TMEM62: variants seen among roughly 807,000 people sequenced by gnomAD.
The protein encoded by TMEM62 is transmembrane protein 62.
A neutral mutation model predicts 70.4 loss-of-function variants in TMEM62; 41 were observed. The ratio of observed to expected loss-of-function variants is 0.58; its 90% CI spans 0.45 to 0.76. The LOEUF (loss-of-function observed/expected upper bound fraction) is 0.76. Ranked by LOEUF, TMEM62 falls within the 30% of genes least tolerant of loss-of-function variation. The pLI is 0.00. For synonymous variants in TMEM62, 268 were observed against 291.0 expected, an observed-to-expected ratio of 0.92 and a Z score of 0.80; for missense variants, 688 against 788.5, an observed-to-expected ratio of 0.87 and a Z score of 1.53.
At chr15:43,147,616 C>T (rs775004805) in intron 5 of TMEM62, among the ~76,000 whole-genome samples, 22 of 152,050 alleles carry the variant, frequency 1.4e-4, no homozygotes, top group Non-Finnish European at 1.2e-4. Flanking sequence ...TACGAGAGTT[C>T]GAAAGAATGT....
At chr15:43,183,335 G>A (rs1374809327) in intron 13 of TMEM62, among the ~76,000 whole-genome samples, 1 of 152,208 alleles carries the variant, frequency 6.6e-6, no homozygotes, top group Non-Finnish European at 1.5e-5. Flanking sequence ...AGCATCCAGT[G>A]TGCTCTTTTA....
intron 12 of TMEM62, among the ~76,000 whole-genome samples, chr15:43,179,135 A>C (rs1388622401): frequency 6.6e-6 from 1 of 152,152 alleles, no homozygotes; most frequent in African/African-American, 2.4e-5. Context: ...ACGGTGGCTC[A>C]TGCCTGTAGT....
chr15:43,179,281 G>T (rs1210352203), intron 12 of TMEM62, among the ~76,000 whole-genome samples: 2 of 152,130 alleles, frequency 1.3e-5, no homozygotes, highest in Non-Finnish European at 2.9e-5. Flanking sequence ...ATTTTGCTTA[G>T]TATGTAGTTC....
At chr15:43,146,765 G>C in intron 5 of TMEM62, 131 bp downstream of exon 5, 1 of 842,982 alleles carries the variant, frequency 1.2e-6, no homozygotes, top group Non-Finnish European at 1.8e-6. Context: ...CTTGGTTACA[G>C]GTATGGCTAG....
intron 10 of TMEM62, among the ~76,000 whole-genome samples, chr15:43,165,340 T>C (rs1174339267): frequency 6.6e-6 from 1 of 152,208 alleles, no homozygotes; most frequent in Non-Finnish European, 1.5e-5. Flanking sequence ...GTTCTGCCCT[T>C]GAGAAATTCT....
chr15:43,168,576 G>A (rs1355011987), intron 10 of TMEM62, among the ~76,000 whole-genome samples: 1 of 152,078 alleles, frequency 6.6e-6, no homozygotes, highest in Non-Finnish European at 1.5e-5. Context: ...TTTTACTGTG[G>A]CTGAGCTGGT....
At chr15:43,165,920 C>A (rs779398463) in intron 10 of TMEM62, among the ~76,000 whole-genome samples, 1 of 152,072 alleles carries the variant, frequency 6.6e-6, no homozygotes, top group Non-Finnish European at 1.5e-5. Flanking sequence ...TCTCTGGTGC[C>A]TTATTTAGTT....
chr15:43,181,268 G>T lies in TMEM62; in HGVS notation c.1574G>T (p.Gly525Val). The T allele has an allele frequency of 1.2e-6, 2 of 1,613,050 alleles. No homozygotes were observed. Among genetic ancestry groups the T allele is most frequent in the African/African-American group, 2.7e-5 (2 of 75,010 alleles). Residue 525 changes from glycine to valine, a missense_variant, in exon 13 of 14, where the codon GGC (glycine) becomes GTC (valine). By Grantham distance (109) the Gly-to-Val change is moderately radical. Coordinates refer to ENST00000260403, the MANE Select transcript of TMEM62 (RefSeq NM_024956.4). ...GIFVNGHFLQ[G>V]SITFIIGILQ... ...TTTGTTAATGGACATTTCCTACAAG[G>T]CAGCATAACATTTATAATTGGAATT...
At chr15:43,164,031 T>G (rs992618467) in intron 10 of TMEM62, among the ~76,000 whole-genome samples, 10 of 152,224 alleles carry the variant, frequency 6.6e-5, no homozygotes, top group African/African-American at 2.4e-4. Context: ...TGTTTTTTTA[T>G]TCTTATAGAA....
Position 43,133,925 on chromosome 15 carries a change from C to G in TMEM62, c.123C>G (p.Pro41=), listed in dbSNP as rs573311291. 0.014 allele frequency: 20,280 copies of G among 1,490,290 alleles called. 183 individuals are homozygous for G. The highest frequency in any genetic ancestry group is 0.015 in the Non-Finnish European group (17,244 of 1,127,790). The allele number at this position is 1,490,290 out of a possible 1,614,324, so 92.3% of individuals were successfully genotyped here. Residue 41 remains proline, a synonymous_variant, in exon 1 of 14, where the codon CCC becomes CCG. Transcript: ENST00000260403. ...QPSPLPRPAP[P]RRPHPAPGPG... ...CGCCGCTGCCGCGCCCCGCGCCCCC[C>G]AGGAGGCCGCACCCTGCGCCAGGGC...
intron 3 of TMEM62, among the ~76,000 whole-genome samples, chr15:43,137,692 G>T (rs1182942515): frequency 1.3e-5 from 2 of 152,196 alleles, no homozygotes; most frequent in Non-Finnish European, 2.9e-5. Context: ...CATCTCCACT[G>T]CCCGGGAATC....
At position 43,134,310 on chromosome 15, in the gene TMEM62, AG is replaced by A; in HGVS notation, c.235del (p.Glu79ArgfsTer17). ...GAGATCCAGGCAGAGCGGTAGACTT[AG>A]AGAAATTCTGTTCTGAAACTATTGA... ...FRDPGRAVDL[E>X]KFCSETIDII... On this transcript the variant is annotated frameshift_variant, in exon 2 of 14. Coordinates refer to ENST00000260403, the MANE Select transcript of TMEM62 (RefSeq NM_024956.4). LOFTEE classifies it high-confidence loss of function. The A allele has an allele frequency of 6.2e-7, 1 of 1,614,158 alleles. No homozygotes were observed. Among genetic ancestry groups the A allele is most frequent in the East Asian group, 2.2e-5 (1 of 44,880 alleles).
At chr15:43,170,369 G>T (rs972263318) in intron 11 of TMEM62, among the ~76,000 whole-genome samples, 3 of 152,104 alleles carry the variant, frequency 2.0e-5, no homozygotes, top group Non-Finnish European at 2.9e-5. Context: ...GGTCAAAAAA[G>T]ATTTAATTTA....
intron 11 of TMEM62, among the ~76,000 whole-genome samples, chr15:43,170,492 A>G (rs1349485782): frequency 6.6e-6 from 1 of 152,266 alleles, no homozygotes; most frequent in Non-Finnish European, 1.5e-5. Context: ...CAGAGAGACA[A>G]TTAAAAGACT....
intron 3 of TMEM62, 122 bp from the exon 4 acceptor site, chr15:43,138,436 ATGGAACGGCTCTACCC>A: frequency 1.5e-6 from 1 of 674,846 alleles, no homozygotes; most frequent in Non-Finnish European, 2.5e-6. Context: ...TGAATAATAA[ATGGAACGGCTCTACCC>A]TGGGGGTGTG....
At chr15:43,141,762 G>T (rs1336471844) in intron 4 of TMEM62, among the ~76,000 whole-genome samples, 1 of 152,192 alleles carries the variant, frequency 6.6e-6, no homozygotes, top group East Asian at 1.9e-4. Flanking sequence ...TGCAATTAAT[G>T]GGAGGAGGTT....
intron 3 of TMEM62, among the ~76,000 whole-genome samples, chr15:43,137,150 G>A (rs932907954): frequency 3.3e-5 from 5 of 152,314 alleles, no homozygotes; most frequent in Admixed American, 1.3e-4. Flanking sequence ...GTAAGGAAAT[G>A]AACTCTTCTC....
At chr15:43,135,683 G>T (rs767084331) in intron 3 of TMEM62, 34 bp downstream of exon 3, 51 of 1,540,884 alleles carry the variant, frequency 3.3e-5, no homozygotes, top group Non-Finnish European at 4.3e-5. Context: ...ATAAAGACAA[G>T]AGTTTTTTTC....
chr15:43,166,839 G>A (rs1306875715), intron 10 of TMEM62, among the ~76,000 whole-genome samples: 2 of 152,184 alleles, frequency 1.3e-5, no homozygotes, highest in African/African-American at 2.4e-5. Context: ...GTTTCAGAGA[G>A]CACAGGGTTG....
Sources: gnomAD v4.1 joint callset for allele counts (sites outside exome capture counted in the v4.1 genomes callset) on GRCh38, gnomAD v4.1.1 for gene constraint, MANE v1.5 for transcripts, NCBI Gene and HGNC (gene_info 2026-07-23, HGNC 2026-07-21) for gene names.